The following TMTC2 variants were observed in gnomAD, a reference collection of about 807,000 sequenced individuals.
TMTC2 encodes the protein transmembrane O-mannosyltransferase targeting cadherins 2, also known as protein O-mannosyl-transferase TMTC2.
Under a neutral mutation model 82.4 loss-of-function variants are expected in TMTC2, and 43 were observed. The ratio of observed to expected loss-of-function variants is 0.52; its 90% CI spans 0.41 to 0.67. The LOEUF is 0.67. Among genes scored for constraint, TMTC2 ranks in the 30% least tolerant of loss-of-function variants. The pLI, the probability that TMTC2 is intolerant of heterozygous loss-of-function variation, is 0.00. For missense variants in TMTC2, 919 were observed against 1,012.4 expected (o/e 0.91, Z 1.25); for synonymous variants, 408 against 381.9 (o/e 1.07, Z -0.80).
chr12:82,996,124 G>A (rs1879605137), intron 8 of TMTC2, among the ~76,000 whole-genome samples: 1 of 152,138 alleles, frequency 6.6e-6, no homozygotes, highest in South Asian at 2.1e-4. Context: ...ATTTTTAAAT[G>A]AAAAGAATTT....
intron 4 of TMTC2, among the ~76,000 whole-genome samples, chr12:82,931,138 G>A (rs1380299413): frequency 1.3e-5 from 2 of 151,880 alleles, no homozygotes; most frequent in East Asian, 1.9e-4. Flanking sequence ...CCTAACTCCT[G>A]GCCTGAAGCA....
At chr12:82,933,912 G>T (rs1220806867) in intron 4 of TMTC2, among the ~76,000 whole-genome samples, 1 of 152,072 alleles carries the variant, frequency 6.6e-6, no homozygotes, top group Non-Finnish European at 1.5e-5. Flanking sequence ...AATATTTGAG[G>T]ACAGCTTTTT....
chr12:82,953,400 G>A (rs1011627055), intron 4 of TMTC2, among the ~76,000 whole-genome samples: 4 of 152,142 alleles, frequency 2.6e-5, no homozygotes, highest in Non-Finnish European at 4.4e-5. Flanking sequence ...AATTTAAAAA[G>A]GATTTTGAAT....
chr12:82,877,468 T>C (rs1872639859), intron 2 of TMTC2, among the ~76,000 whole-genome samples: 1 of 152,178 alleles, frequency 6.6e-6, no homozygotes, highest in South Asian at 2.1e-4. Flanking sequence ...TTTTAAGACC[T>C]TTCATTTAGA....
intron 1 of TMTC2, among the ~76,000 whole-genome samples, chr12:82,832,074 A>G (rs1869780299): frequency 6.6e-6 from 1 of 152,178 alleles, no homozygotes; most frequent in Non-Finnish European, 1.5e-5. Context: ...ATAGCCAACC[A>G]TTACCATTTT....
At chr12:83,130,076 G>A (rs1885216750) in intron 11 of TMTC2, among the ~76,000 whole-genome samples, 1 of 152,134 alleles carries the variant, frequency 6.6e-6, no homozygotes, top group South Asian at 2.1e-4. Context: ...TTCCATTTCT[G>A]GATAGTAAGG....
intron 8 of TMTC2, among the ~76,000 whole-genome samples, chr12:82,988,430 G>A (rs1229285784): frequency 3.9e-5 from 6 of 152,140 alleles, no homozygotes; most frequent in African/African-American, 2.4e-5. Context: ...CCAATGAATG[G>A]AGTATTCAGG....
At chr12:83,120,202 G>GT (rs1161328053) in intron 11 of TMTC2, among the ~76,000 whole-genome samples, 1 of 151,996 alleles carries the variant, frequency 6.6e-6, no homozygotes, top group East Asian at 1.9e-4. Context: ...CTTTGTTTTT[G>GT]TTTTTTGTTT....
intron 9 of TMTC2, among the ~76,000 whole-genome samples, chr12:83,045,908 G>C (rs1315302748): frequency 6.6e-6 from 1 of 152,020 alleles, no homozygotes; most frequent in Non-Finnish European, 1.5e-5. Flanking sequence ...AAGATCTCAG[G>C]AGTTGTGCGA....
intron 3 of TMTC2, among the ~76,000 whole-genome samples, chr12:82,928,092 G>T (rs1001946835): frequency 1.3e-5 from 2 of 151,834 alleles, no homozygotes; most frequent in Non-Finnish European, 2.9e-5. Flanking sequence ...AAGTATCAAA[G>T]AAATCAATTT....
intron 8 of TMTC2, among the ~76,000 whole-genome samples, chr12:82,992,790 C>G (rs1879453683): frequency 6.6e-6 from 1 of 152,214 alleles, no homozygotes; most frequent in African/African-American, 2.4e-5. Context: ...TCCAAAATCT[C>G]TCAGGCTTTG....
At chr12:82,959,438 C>T (rs1308084358) in intron 4 of TMTC2, among the ~76,000 whole-genome samples, 2 of 151,984 alleles carry the variant, frequency 1.3e-5, no homozygotes, top group African/African-American at 4.8e-5. Context: ...ATAAGGCTGC[C>T]ATAACCAAAA....
chr12:83,076,661 T>C (rs995541418), intron 11 of TMTC2, among the ~76,000 whole-genome samples: 7 of 152,224 alleles, frequency 4.6e-5, no homozygotes, highest in African/African-American at 1.7e-4. Flanking sequence ...TCCTTGGTTG[T>C]TCCCATAGCC....
intron 3 of TMTC2, among the ~76,000 whole-genome samples, chr12:82,913,974 GA>G (rs370101264): frequency 4.0e-4 from 60 of 149,798 alleles, no homozygotes; most frequent in African/African-American, 1.2e-3. Context: ...GTGTTTGGTT[GA>G]AAAAAAAAAT....
chr12:83,129,262 A>G (rs1174311912), intron 11 of TMTC2, among the ~76,000 whole-genome samples: 1 of 152,162 alleles, frequency 6.6e-6, no homozygotes, highest in African/African-American at 2.4e-5. Context: ...AGGGGAAGCA[A>G]TTAATGAGTA....
intron 9 of TMTC2, among the ~76,000 whole-genome samples, chr12:83,046,612 A>G (rs1391696703): frequency 6.6e-6 from 1 of 152,128 alleles, no homozygotes; most frequent in Non-Finnish European, 1.5e-5. Flanking sequence ...TACCTGCACT[A>G]CCTGAGCCTC....
At chr12:83,028,990 T>TAGA (rs1246912997) in intron 8 of TMTC2, among the ~76,000 whole-genome samples, 1 of 152,190 alleles carries the variant, frequency 6.6e-6, no homozygotes, top group African/African-American at 2.4e-5. Flanking sequence ...ACTAAATTGA[T>TAGA]AGAAGAAATG....
At chr12:82,793,103 C>T (rs533871396) in intron 1 of TMTC2, among the ~76,000 whole-genome samples, 3 of 152,060 alleles carry the variant, frequency 2.0e-5, no homozygotes, top group Admixed American at 2.0e-4. Context: ...TTTAATTACA[C>T]GATGATAGTA....
At chr12:83,081,292 T>C (rs577646392) in intron 11 of TMTC2, among the ~76,000 whole-genome samples, 6 of 152,224 alleles carry the variant, frequency 3.9e-5, no homozygotes, top group Admixed American at 2.0e-4. Context: ...TGCTCTGGCC[T>C]GACTCATTAT....
Sources: allele counts gnomAD v4.1 joint callset (sites outside exome capture counted in the v4.1 genomes callset), GRCh38; gene constraint gnomAD v4.1.1; transcripts MANE v1.5; gene names NCBI Gene and HGNC (gene_info 2026-07-23, HGNC 2026-07-21).